NCAPH2: variants seen among roughly 807,000 people sequenced by gnomAD.
The protein encoded by NCAPH2 is non-SMC condensin II complex subunit H2.
NCAPH2 carries 56 observed loss-of-function variants against 88.6 expected under a neutral mutation model. The observed-to-expected ratio is 0.63, with a 90% CI of 0.51 to 0.79. The LOEUF (loss-of-function observed/expected upper bound fraction) is 0.79, where lower values mean the gene tolerates loss of function less well. NCAPH2 is among the 30% of genes least tolerant of loss of function. The pLI is 0.00. For missense variants in NCAPH2, 794 were observed against 792.0 expected, an observed-to-expected ratio of 1.00 and a Z score of -0.03; for synonymous variants, 378 against 313.6, an observed-to-expected ratio of 1.21 and a Z score of -2.17.
intron 2 of NCAPH2, 35 bp downstream of exon 2, chr22:50,516,583 G>A: frequency 1.3e-6 from 2 of 1,599,184 alleles, no homozygotes; most frequent in Non-Finnish European, 1.7e-6. Flanking sequence ...TGGCATTTTG[G>A]TGGCCAGTGG....
At position 50,523,200 on chromosome 22, in the gene NCAPH2, G is replaced by A. The variant is rs375271688; in HGVS notation, c.1677+34G>A. The A allele has an allele frequency of 5.0e-5, 81 of 1,613,406 alleles. 2 individuals carry two copies. The highest frequency in any genetic ancestry group is 4.9e-4 in the Middle Eastern group (3 of 6,084). On this transcript the variant is annotated intron_variant, in intron 19 of 19. Coordinates refer to ENST00000420993, the MANE Select transcript of NCAPH2 (RefSeq NM_152299.4). ...CCTGGGATACGTGGGAGGGGGAGAC[G>A]GTCCCCAGACCCTGCTGATGTGCCA...
Position 50,521,983 on chromosome 22 carries a change from C to A in NCAPH2, c.1109-3C>A, listed in dbSNP as rs1413591709. 6.2e-7 allele frequency: 1 copy of A among 1,613,980 alleles called. No homozygotes were observed. Among genetic ancestry groups the A allele is most frequent in the Non-Finnish European group, 8.5e-7 (1 of 1,179,944 alleles). ...GGCTGGTGCTGAGCATGTTCTTTCACAGATGCAGACCATGCCGACAGCAGG... is the reference window on the plus strand; with the variant it reads ...GGCTGGTGCTGAGCATGTTCTTTCAAAGATGCAGACCATGCCGACAGCAGG... On this transcript the variant is annotated splice_region_variant and splice_polypyrimidine_tract_variant and intron_variant, in intron 12 of 19. Transcript: ENST00000420993.
In NCAPH2 at chr22:50,522,736, A is replaced by AGG. The variant is rs1214231877; in HGVS notation, c.1425+18_1425+19dup. The AGG allele has an allele frequency of 3.7e-6, 6 of 1,609,630 alleles. No homozygotes were observed. The South Asian group carries it at 5.5e-5, about 15-fold the overall frequency. On this transcript the variant is annotated intron_variant, in intron 17 of 19. Transcript: ENST00000420993. Reference sequence around the variant, plus strand: ...AAGGAATGTGGTAGGCCTGGGTTAGAGGGAGACGGGGAGGGGAGGGGGACA... The same window carrying AGG: ...AAGGAATGTGGTAGGCCTGGGTTAGAGGGGGAGACGGGGAGGGGAGGGGGACA...
Position 50,522,197 on chromosome 22 carries a change from C to G in NCAPH2, c.1179C>G (p.Tyr393Ter), listed in dbSNP as rs890291397. 1 of 1,613,650 alleles carries G rather than the reference C, an allele frequency of 6.2e-7. No individual in the cohort carries two copies. The highest frequency in any genetic ancestry group is 8.5e-7 in the Non-Finnish European group (1 of 1,179,920). Reference protein sequence around the residue: ...GPSFADMEVLYWTHVKEQLET... With the variant: ...GPSFADMEVL ...TGTCTGCAGACATGGAGGTCCTGTA[C>G]TGGACACACGTGAAGGAGCAGTTGG... Residue 393 changes from tyrosine (Y) to a stop codon, truncating the protein, a stop_gained, in exon 14 of 20, where the codon TAC becomes TAG. Coordinates refer to ENST00000420993, the MANE Select transcript of NCAPH2 (RefSeq NM_152299.4). LOFTEE classifies it high-confidence loss of function.
chr22:50,520,561 GT>G (rs150737593), intron 9 of NCAPH2: 468 of 139,426 alleles, frequency 3.4e-3, no homozygotes, highest in Middle Eastern at 0.016. Context: ...GTCCCTGTAG[GT>G]TTTTTTTTTT....
At chr22:50,510,623 C>T (rs2068757071) in intron 1 of NCAPH2, among the ~76,000 whole-genome samples, 4 of 151,306 alleles carry the variant, frequency 2.6e-5, no homozygotes, top group South Asian at 2.1e-4. Flanking sequence ...AGATGGGTTT[C>T]GCCACATTGG....
At chr22:50,521,108 A>G in intron 10 of NCAPH2, 72 bp downstream of exon 10, 3 of 1,503,134 alleles carry the variant, frequency 2.0e-6, no homozygotes, top group Non-Finnish European at 2.7e-6. Flanking sequence ...CCTGCCCATC[A>G]TGCTCTTGCT....
chr22:50,524,019 A>G lies in NCAPH2; in HGVS notation c.*644A>G. On this transcript the variant is annotated 3_prime_UTR_variant, in exon 20 of 20. Coordinates refer to ENST00000420993, the MANE Select transcript of NCAPH2 (RefSeq NM_152299.4). ...CGTCTGGGCAGATGTCAGGGCAGTG[A>G]GTGAAGCCAAAGTACATCAGCACCC... 6.2e-7 allele frequency: 1 copy of G among 1,613,568 alleles called. No individual in the cohort carries two copies. Among genetic ancestry groups the G allele is most frequent in the East Asian group, 2.2e-5 (1 of 44,888 alleles).
chr22:50,510,282 C>T (rs1425476844), intron 1 of NCAPH2, among the ~76,000 whole-genome samples: 2 of 151,832 alleles, frequency 1.3e-5, no homozygotes, highest in African/African-American at 2.4e-5. Flanking sequence ...AAAAAAAAAT[C>T]AGAGAGGAGG....
chr22:50,514,486 T>C (rs1482840692), intron 1 of NCAPH2, among the ~76,000 whole-genome samples: 2 of 152,110 alleles, frequency 1.3e-5, no homozygotes, highest in Non-Finnish European at 2.9e-5. Context: ...ATCCAAGCGA[T>C]GTTTGAAGAA....
intron 1 of NCAPH2, among the ~76,000 whole-genome samples, chr22:50,514,251 A>C (rs2068859185): frequency 6.6e-6 from 1 of 151,742 alleles, no homozygotes. Context: ...TGCCACTGTT[A>C]GGAAAAACCC....
At chr22:50,518,600 A>G in intron 7 of NCAPH2, 49 bp from the exon 8 acceptor site, 1 of 1,541,744 alleles carries the variant, frequency 6.5e-7, no homozygotes, top group Non-Finnish European at 8.8e-7. Context: ...GGCAGGGACC[A>G]TCTTGGAGAG....
chr22:50,522,618 G>A (rs555960175), intron 16 of NCAPH2, 49 bp downstream of exon 16: 3 of 1,613,552 alleles, frequency 1.9e-6, no homozygotes, highest in African/African-American at 2.7e-5. Flanking sequence ...GGAGCTGGGG[G>A]CAGGGGAGAG....
intron 1 of NCAPH2, chr22:50,515,715 TAA>T: frequency 8.0e-7 from 1 of 1,255,348 alleles, no homozygotes; most frequent in Non-Finnish European, 1.0e-6. Context: ...TTTTTTTTTT[TAA>T]AGTGTCATTT....
rs201747278 is a variant in NCAPH2 at position 50,522,340 on chromosome 22, C to T, written c.1234-3C>T. On this transcript the variant is annotated splice_region_variant and splice_polypyrimidine_tract_variant and intron_variant, in intron 14 of 19. Transcript: ENST00000420993. ...GCCCCTCACAGATGCTTTCTCTGGA[C>T]AGGTGGCTGAGCAGTGGCTGCGGCC... The T allele has an allele frequency of 3.7e-6, 6 of 1,604,120 alleles. No individual in the cohort carries two copies. The East Asian group carries it at 1.3e-4, about 36-fold the overall frequency.
rs141411669 is a variant in NCAPH2 at position 50,520,996 on chromosome 22, G to A, written c.893G>A (p.Arg298Gln). The A allele has an allele frequency of 2.6e-5, 41 of 1,550,998 alleles. No individual in the cohort carries two copies. Among genetic ancestry groups the A allele is most frequent in the African/African-American group, 4.1e-5 (3 of 73,152 alleles). Reference protein sequence around the residue: ...SAALPRRYMLREREGAPEPAS... With the variant: ...SAALPRRYMLQEREGAPEPAS... ...GCCCTGCCCAGGAGGTACATGCTGC[G>A]GGAGCGGGAGGGGGCCCCAGAGCCT... Residue 298 changes from arginine (R) to glutamine (Q), a missense_variant, in exon 10 of 20, where the codon CGG (arginine) becomes CAG (glutamine). Physicochemically the swap from Arg to Gln is conservative, Grantham distance 43 (BLOSUM62 1). Transcript: ENST00000420993.
chr22:50,513,043 G>A (rs1328483524), intron 1 of NCAPH2, among the ~76,000 whole-genome samples: 6 of 152,224 alleles, frequency 3.9e-5, no homozygotes, highest in Non-Finnish European at 8.8e-5. Flanking sequence ...CCGCATGGGG[G>A]TGTAATAAAT....
chr22:50,509,117 A>G (rs147847045), intron 1 of NCAPH2, among the ~76,000 whole-genome samples: 120 of 151,768 alleles, frequency 7.9e-4, no homozygotes, highest in African/African-American at 2.9e-3. Flanking sequence ...TTTTTTCCCT[A>G]TTTCATTGCC....
At chr22:50,518,578 T>C in intron 7 of NCAPH2, 71 bp from the exon 8 acceptor site, 1 of 1,459,604 alleles carries the variant, frequency 6.9e-7, no homozygotes, top group Admixed American at 2.0e-5. Context: ...TGGAGAGGCT[T>C]GTTGAACACC....
Sources: allele counts gnomAD v4.1 joint callset (sites outside exome capture counted in the v4.1 genomes callset), GRCh38; gene constraint gnomAD v4.1.1; transcripts MANE v1.5; gene names NCBI Gene and HGNC (gene_info 2026-07-23, HGNC 2026-07-21).